The following USP34 variants were observed in gnomAD, a reference collection of about 807,000 sequenced individuals.
The protein encoded by USP34 is ubiquitin carboxyl-terminal hydrolase 34.
USP34 carries 70 observed loss-of-function variants against 460.3 expected under a neutral mutation model. The ratio of observed to expected loss-of-function variants is 0.15; its 90% CI spans 0.13 to 0.19. The LOEUF is 0.19. USP34 is among the 10% of genes least tolerant of loss of function. The probability of loss-of-function intolerance (pLI) is 1.00; values close to 1 mark genes in which losing one functional copy is unlikely to be tolerated. For synonymous variants in USP34, 1,647 were observed against 1,405.3 expected (o/e 1.17, Z -3.85); for missense variants, 3,985 against 4,236.2 (o/e 0.94, Z 1.65).
chr2:61,270,063 C>T (rs1296522669), intron 41 of USP34, among the ~76,000 whole-genome samples: 1 of 152,202 alleles, frequency 6.6e-6, no homozygotes, highest in Non-Finnish European at 1.5e-5. Context: ...CATCCCATCC[C>T]TTCCCAGCCT....
rs755205877 is a variant in USP34, at chr2:61,331,349, T to G, written c.2857A>C (p.Met953Leu). The G allele has an allele frequency of 6.2e-7, 1 of 1,611,582 alleles. No individual in the cohort carries two copies. The highest frequency in any genetic ancestry group is 1.3e-5 in the African/African-American group (1 of 74,994). Residue 953 changes from methionine to leucine, a missense_variant, in exon 20 of 80, where the codon ATG becomes CTG. Met to Leu is a conservative substitution (Grantham distance 15). This residue lies in a region of USP34 where 1,114 missense variants were observed against 1,122.5 expected (regional missense o/e 0.99). Transcript: ENST00000398571. Reference sequence around the variant, plus strand: ...AAATTATCAAAGAAAAGCTTCATCATGTTCAGTTCTTTTTCTGCCCACCTG... The same window carrying G: ...AAATTATCAAAGAAAAGCTTCATCAGGTTCAGTTCTTTTTCTGCCCACCTG... ...ITMWAEKELN[M>L]MKLFFDNLVY... is the part of the protein sequence containing the mutation.
chr2:61,245,218 C>T lies in USP34; in HGVS notation c.6619G>A (p.Glu2207Lys), dbSNP rs1235568942. ...AQLASECFGG[E>K]MTTKTYDSVT... ...TTCTGAATAAAACTTACCGTCATCT[C>T]TCCACCAAAACATTCAGATGCAAGT... The change falls in exon 51 of 80, where the codon GAG becomes AAG. Residue 2207 changes from glutamate (E) to lysine (K), a missense_variant. By Grantham distance (56) the Glu-to-Lys change is moderately conservative. Around this residue, in one of 14 missense-constraint regions of USP34, gnomAD observed 11 missense variants for 37.7 expected, o/e 0.29. Coordinates refer to ENST00000398571, the MANE Select transcript of USP34 (RefSeq NM_014709.4). The T allele has an allele frequency of 6.2e-7, 1 of 1,609,996 alleles. No homozygotes were observed.
intron 48 of USP34, among the ~76,000 whole-genome samples, chr2:61,256,015 T>C (rs1221628436): frequency 6.6e-6 from 1 of 152,228 alleles, no homozygotes; most frequent in African/African-American, 2.4e-5. Flanking sequence ...TTGTGGGGTC[T>C]TGCAACATTT....
intron 53 of USP34, among the ~76,000 whole-genome samples, chr2:61,237,756 T>C (rs1397767546): frequency 6.6e-6 from 1 of 150,484 alleles, no homozygotes; most frequent in Non-Finnish European, 1.5e-5. Flanking sequence ...TTTTTTTTTT[T>C]GTAGAGATGG....
intron 1 of USP34, among the ~76,000 whole-genome samples, chr2:61,445,577 A>G (rs1373231679): frequency 6.6e-6 from 1 of 151,182 alleles, no homozygotes; most frequent in African/African-American, 2.4e-5. Context: ...ATGATCCCGG[A>G]TGAAAGCCAA....
At chr2:61,336,604 G>C (rs375739486) in intron 18 of USP34, among the ~76,000 whole-genome samples, 2 of 151,426 alleles carry the variant, frequency 1.3e-5, no homozygotes, top group Non-Finnish European at 2.9e-5. Context: ...GAGGTCGGGA[G>C]TTCGAGACCA....
intron 41 of USP34, among the ~76,000 whole-genome samples, chr2:61,275,952 G>A (rs1431493701): frequency 6.6e-6 from 1 of 151,916 alleles, no homozygotes; most frequent in Non-Finnish European, 1.5e-5. Context: ...ATAAGACTTT[G>A]GAAAAAATAC....
intron 7 of USP34, among the ~76,000 whole-genome samples, chr2:61,378,753 A>G (rs1692871383): frequency 6.6e-6 from 1 of 151,916 alleles, no homozygotes; most frequent in Admixed American, 6.6e-5. Context: ...TTAAAAATAC[A>G]AAATTAGCTG....
chr2:61,444,917 A>T (rs1264802172), intron 1 of USP34, among the ~76,000 whole-genome samples: 4 of 92,692 alleles, frequency 4.3e-5, no homozygotes, highest in African/African-American at 1.8e-4. Flanking sequence ...CTGTTCCTTA[A>T]CACCAAAAAA....
At chr2:61,319,093 AG>A in intron 22 of USP34, 79 bp downstream of exon 22, 2 of 1,327,978 alleles carry the variant, frequency 1.5e-6, no homozygotes, top group Non-Finnish European at 1.0e-6. Flanking sequence ...AAAAAAAAAA[AG>A]GCATTACAGA....
Position 61,227,047 on chromosome 2 carries a change from T to C in USP34, c.7595+20A>G. Reference sequence around the variant, plus strand: ...TAAAACCAAACATGCTTTAAACATTTTAAATTCGAAACATTTCACCTTTCT... The same window carrying C: ...TAAAACCAAACATGCTTTAAACATTCTAAATTCGAAACATTTCACCTTTCT... On this transcript the variant is annotated intron_variant, in intron 62 of 79. Transcript: ENST00000398571. 6.3e-7 allele frequency: 1 copy of C among 1,577,064 alleles called. No homozygotes were observed. Among genetic ancestry groups the C allele is most frequent in the Non-Finnish European group, 8.6e-7 (1 of 1,168,204 alleles).
intron 48 of USP34, among the ~76,000 whole-genome samples, chr2:61,253,826 C>T (rs908702805): frequency 2.0e-5 from 3 of 151,980 alleles, no homozygotes; most frequent in Non-Finnish European, 2.9e-5. Flanking sequence ...CCTCTGCCTC[C>T]CAGGTTCAGG....
intron 6 of USP34, among the ~76,000 whole-genome samples, chr2:61,382,579 G>C (rs923065218): frequency 1.2e-4 from 19 of 152,124 alleles, no homozygotes; most frequent in Admixed American, 1.1e-3. Flanking sequence ...CAAAAGTTGA[G>C]TAGTGCTGTG....
intron 1 of USP34, among the ~76,000 whole-genome samples, chr2:61,429,794 G>A (rs2103994504): frequency 1.3e-5 from 2 of 152,332 alleles, no homozygotes; most frequent in East Asian, 3.9e-4. Context: ...GGACACAGTG[G>A]CTCCTGCCTA....
intron 38 of USP34, 102 bp from the exon 39 acceptor site, chr2:61,280,450 A>G: frequency 2.0e-6 from 1 of 503,614 alleles, no homozygotes; most frequent in Non-Finnish European, 3.2e-6. Context: ...TCCTATATCC[A>G]CTAAACAGTA....
chr2:61,311,050 T>C (rs1182055729), intron 27 of USP34, among the ~76,000 whole-genome samples: 6 of 152,152 alleles, frequency 3.9e-5, no homozygotes, highest in African/African-American at 1.4e-4. Flanking sequence ...AAGGGAGCCA[T>C]GAACATGGAT....
intron 75 of USP34, 121 bp downstream of exon 75, chr2:61,203,019 T>A: frequency 9.4e-7 from 1 of 1,066,470 alleles, no homozygotes; most frequent in Non-Finnish European, 1.3e-6. Context: ...AATATTAATA[T>A]TTTTAAGCAT....
rs772846685 is a variant in USP34 at position 61,248,716 on chromosome 2, T to C, written c.6222-33A>G. ...ACAAGAAAAAAATTAATAAAGATTA[T>C]TTTTTACAAATACTTCAGTTGGTTT... is the stretch of plus-strand genomic sequence containing the variant. On this transcript the variant is annotated intron_variant, in intron 48 of 79. Coordinates refer to ENST00000398571, the MANE Select transcript of USP34 (RefSeq NM_014709.4). 50 of 1,514,004 alleles carry C rather than the reference T, an allele frequency of 3.3e-5. No individual in the cohort carries two copies. The African/African-American group carries it at 7.0e-4, about 21-fold the overall frequency. The allele number at this position is 1,514,004 out of a possible 1,614,324, so 93.8% of individuals were successfully genotyped here.
chr2:61,314,500 C>G, intron 25 of USP34, 85 bp downstream of exon 25: 3 of 1,263,398 alleles, frequency 2.4e-6, no homozygotes, highest in Non-Finnish European at 3.1e-6. Context: ...CCAACAAAAA[C>G]TTTAGATTCA....
Sources: gnomAD v4.1 joint callset for allele counts (sites outside exome capture counted in the v4.1 genomes callset) on GRCh38, gnomAD v4.1.1 for gene constraint, gnomAD v4.1.1 regional missense constraint, MANE v1.5 for transcripts, NCBI Gene and HGNC (gene_info 2026-07-23, HGNC 2026-07-21) for gene names.